FIGLA: variants seen among roughly 807,000 people sequenced by gnomAD.
FIGLA encodes the protein folliculogenesis specific bHLH transcription factor.
In FIGLA, 17 loss-of-function variants were observed where a neutral mutation model predicts 21.5. The ratio of observed to expected loss-of-function variants is 0.79; its 90% CI spans 0.54 to 1.19. The LOEUF is 1.19. Ranked by LOEUF, FIGLA falls within the 50% of genes most tolerant of loss-of-function variation. The probability of loss-of-function intolerance (pLI) is 0.00; values close to 1 mark genes in which losing one functional copy is unlikely to be tolerated. For synonymous variants in FIGLA, 129 were observed against 117.6 expected (o/e 1.10, Z -0.63); for missense variants, 282 against 285.0 (o/e 0.99, Z 0.08).
chr2:70,783,120 A>G (rs1269684251), intron 3 of FIGLA, among the ~76,000 whole-genome samples: 1 of 152,118 alleles, frequency 6.6e-6, no homozygotes, highest in African/African-American at 2.4e-5. Context: ...AAAACTGATG[A>G]AATACTAGAA....
intron 3 of FIGLA, among the ~76,000 whole-genome samples, chr2:70,784,986 T>C (rs566958916): frequency 1.3e-5 from 2 of 151,710 alleles, no homozygotes; most frequent in South Asian, 4.2e-4. Flanking sequence ...CATCTTTATG[T>C]ATGGCAAGCT....
chr2:70,790,329 G>A lies in FIGLA; in HGVS notation c.231+79C>T, dbSNP rs996756609. 8.7e-6 allele frequency: 12 copies of A among 1,378,972 alleles called. No homozygotes were observed. In the South Asian group the frequency reaches 1.6e-4, roughly 18 times the overall value. 85.4% of individuals were successfully genotyped at this position (1,378,972 alleles called of 1,614,324 possible). A position where few individuals can be genotyped will look rare whatever the true frequency, so the allele number is the denominator to read the frequency against. On this transcript the variant is annotated intron_variant, in intron 1 of 4. Transcript: ENST00000332372. ...CCTCGAGCGGGGGTGGGCGGTGAGC[G>A]GACCCCCGGGTGTTGACCAGGTGTT...
intron 2 of FIGLA, 47 bp downstream of exon 2, chr2:70,787,602 G>C: frequency 6.6e-7 from 1 of 1,519,478 alleles, no homozygotes; most frequent in Non-Finnish European, 8.9e-7. Flanking sequence ...CATAGAAAAG[G>C]CCTAATAAAT....
chr2:70,786,033 CT>C (rs1553389961), intron 2 of FIGLA, among the ~76,000 whole-genome samples: 1 of 152,188 alleles, frequency 6.6e-6, no homozygotes, highest in African/African-American at 2.4e-5. Flanking sequence ...CAGAATGTAG[CT>C]TCCTAGCAGT....
At chr2:70,789,797 C>T (rs1676024869) in intron 1 of FIGLA, among the ~76,000 whole-genome samples, 1 of 152,206 alleles carries the variant, frequency 6.6e-6, no homozygotes, top group Non-Finnish European at 1.5e-5. Flanking sequence ...CCAACCACGG[C>T]CCACAGGACC....
intron 3 of FIGLA, among the ~76,000 whole-genome samples, chr2:70,784,448 T>G (rs1351019853): frequency 6.6e-6 from 1 of 152,222 alleles, no homozygotes; most frequent in Non-Finnish European, 1.5e-5. Context: ...TGGAGTTAGT[T>G]ATCTTATATA....
At chr2:70,788,175 C>T (rs950964889) in intron 1 of FIGLA, among the ~76,000 whole-genome samples, 39 of 152,146 alleles carry the variant, frequency 2.6e-4, no homozygotes, top group African/African-American at 9.2e-4. Flanking sequence ...TGGAATACTT[C>T]ACATCACTAA....
intron 3 of FIGLA, among the ~76,000 whole-genome samples, chr2:70,782,569 G>A (rs1230195198): frequency 2.6e-5 from 4 of 152,178 alleles, no homozygotes; most frequent in African/African-American, 7.2e-5. Context: ...ATTGTATGGC[G>A]GTAACGCCGC....
intron 1 of FIGLA, among the ~76,000 whole-genome samples, chr2:70,789,113 G>A (rs1676009577): frequency 1.3e-5 from 2 of 151,388 alleles, no homozygotes; most frequent in Admixed American, 1.3e-4. Flanking sequence ...ATAATGTTAA[G>A]TGGAAAAAAT....
intron 3 of FIGLA, among the ~76,000 whole-genome samples, chr2:70,779,888 A>C (rs1034548024): frequency 7.2e-5 from 11 of 152,200 alleles, no homozygotes; most frequent in African/African-American, 2.7e-4. Context: ...CGAGTGGCAA[A>C]TAGAAGGAAT....
At chr2:70,777,763 C>A in intron 3 of FIGLA, 92 bp from the exon 4 acceptor site, 1 of 615,724 alleles carries the variant, frequency 1.6e-6, no homozygotes. Context: ...TAGTGGCCAA[C>A]AGTAAAAAAA....
At chr2:70,790,347 C>A in intron 1 of FIGLA, 61 bp downstream of exon 1, 2 of 1,443,352 alleles carry the variant, frequency 1.4e-6, no homozygotes, top group Non-Finnish European at 1.8e-6. Flanking sequence ...GGGTGTTGAC[C>A]AGGTGTTTGG....
chr2:70,778,378 T>G (rs1414138387), intron 3 of FIGLA, among the ~76,000 whole-genome samples: 2 of 152,212 alleles, frequency 1.3e-5, no homozygotes, highest in Non-Finnish European at 2.9e-5. Flanking sequence ...TGACACAAAA[T>G]ATGTATGAGT....
intron 1 of FIGLA, among the ~76,000 whole-genome samples, chr2:70,788,125 C>T (rs1024720925): frequency 1.3e-5 from 2 of 152,196 alleles, no homozygotes; most frequent in African/African-American, 2.4e-5. Flanking sequence ...ATTAACTACA[C>T]CCAGGTTTAA....
intron 3 of FIGLA, 96 bp downstream of exon 3, chr2:70,785,319 T>G: frequency 1.9e-6 from 2 of 1,050,302 alleles, no homozygotes; most frequent in Non-Finnish European, 2.8e-6. Context: ...TTATCTTGTT[T>G]TAATCATGTT....
Position 70,785,599 on chromosome 2 carries a change from G to A in FIGLA, c.425C>T (p.Ser142Phe), listed in dbSNP as rs782155046. The A allele has an allele frequency of 1.2e-6, 2 of 1,613,992 alleles. No homozygotes were observed. Among genetic ancestry groups the A allele is most frequent in the South Asian group, 2.2e-5 (2 of 91,080 alleles). Residue 142 changes from serine (S) to phenylalanine (F), a missense_variant, in exon 3 of 5, where the codon TCT becomes TTT. Ser to Phe is a radical substitution (Grantham distance 155). Coordinates refer to ENST00000332372, the MANE Select transcript of FIGLA (RefSeq NM_001004311.3). ...TCTTGCCGAGGATGTATGTGATTCA[G>A]AACTGTTGTTACTATAGCTCTGCTC... The part of the protein sequence containing the change: ...PDEQSYSNNS[S>F]ESHTSSARQL...
chr2:70,783,400 CG>C (rs1460800050), intron 3 of FIGLA, among the ~76,000 whole-genome samples: 4 of 152,182 alleles, frequency 2.6e-5, no homozygotes, highest in African/African-American at 7.2e-5. Flanking sequence ...GTGTACTATA[CG>C]TGGCCTATGC....
intron 3 of FIGLA, among the ~76,000 whole-genome samples, chr2:70,779,229 C>A (rs1272872720): frequency 1.3e-5 from 2 of 152,170 alleles, no homozygotes; most frequent in African/African-American, 4.8e-5. Context: ...AGGACTGGGA[C>A]AAACCAGAAG....
rs1675926427 is a variant in FIGLA at position 70,785,321 on chromosome 2, A to T, written c.609+94T>A. On this transcript the variant is annotated intron_variant, in intron 3 of 4. Transcript: ENST00000332372. ...GGCTTTCATTAAATTATCTTGTTTTAATCATGTTTTAGCATGGAAAAATGA... is the reference window on the plus strand; with the variant it reads ...GGCTTTCATTAAATTATCTTGTTTTTATCATGTTTTAGCATGGAAAAATGA... 4 of 1,056,024 alleles carry T rather than the reference A, an allele frequency of 3.8e-6. No homozygotes were observed. The South Asian group carries it at 6.3e-5, about 17-fold the overall frequency. 65.4% of individuals were successfully genotyped at this position (1,056,024 alleles called of 1,614,324 possible).
Sources: allele counts gnomAD v4.1 joint callset (sites outside exome capture counted in the v4.1 genomes callset), GRCh38; gene constraint gnomAD v4.1.1; transcripts MANE v1.5; gene names NCBI Gene and HGNC (gene_info 2026-07-23, HGNC 2026-07-21).